Variants in DOC2B observed in about 807,000 individuals in gnomAD.
DOC2B encodes double C2 domain beta, also known as double C2-like domain-containing protein beta.
A neutral mutation model predicts 28.9 loss-of-function variants in DOC2B; 21 were observed. The observed-to-expected ratio is 0.73, with a 90% CI of 0.52 to 1.05. The LOEUF (loss-of-function observed/expected upper bound fraction) is 1.05, where lower values mean the gene tolerates loss of function less well. Ranked by LOEUF, DOC2B falls within the 50% of genes least tolerant of loss-of-function variation. The pLI is 0.00. For missense variants in DOC2B, 384 were observed against 421.1 expected, an observed-to-expected ratio of 0.91 and a Z score of 0.77; for synonymous variants, 194 against 178.1, an observed-to-expected ratio of 1.09 and a Z score of -0.71.
Position 181,113 on chromosome 17 carries a change from C to A in DOC2B, c.367G>T (p.Asp123Tyr). The part of the protein sequence containing the change: ...EPDADGYESD[D>Y]CTALGTLDFS... ...CGGCGCGTGGGAAACTTACTGCAGT[C>A]GTCCGACTCGTAGCCGTCGGCGTCC... Residue 123 changes from aspartate to tyrosine, a missense_variant, in exon 1 of 9, where the codon GAC becomes TAC. Physicochemically the swap from Asp to Tyr is radical, Grantham distance 160. Transcript: ENST00000613549. This position sits in a 1 kb window ranked among gnomAD's most constrained non-coding sequence, Gnocchi z 7.0. 1 of 1,249,948 alleles carries A rather than the reference C, an allele frequency of 8.0e-7. No individual in the cohort carries two copies. Among genetic ancestry groups the A allele is most frequent in the South Asian group, 2.9e-5 (1 of 34,004 alleles). The allele number at this position is 1,249,948 out of a possible 1,614,324, so 77.4% of individuals were successfully genotyped here.
intron 3 of DOC2B, among the ~76,000 whole-genome samples, chr17:162,765 C>T (rs897358040): frequency 6.6e-6 from 1 of 152,358 alleles, no homozygotes; most frequent in South Asian, 2.1e-4. Flanking sequence ...CCCGATGCCA[C>T]GGGGTAGGTT....
rs2040000142 is a variant in DOC2B at position 143,825 on chromosome 17, C to T, written c.*3616G>A. 1.3e-5 allele frequency: 2 copies of T among 152,256 alleles called. No individual in the cohort carries two copies. Among genetic ancestry groups the T allele is most frequent in the African/African-American group, 4.8e-5 (2 of 41,462 alleles). The allele number at this position is 152,256 out of a possible 1,614,324, so 9.4% of individuals were successfully genotyped here. A position where few individuals can be genotyped will look rare whatever the true frequency, so the allele number is the denominator to read the frequency against. On this transcript the variant is annotated 3_prime_UTR_variant, in exon 9 of 9. Transcript: ENST00000613549. Reference sequence around the variant, plus strand: ...TGTCTGTGGGACTGCAGTTTGAGGACAGTGTCTGCAGCCGTCACATGGCAG... The same window carrying T: ...TGTCTGTGGGACTGCAGTTTGAGGATAGTGTCTGCAGCCGTCACATGGCAG...
chr17:147,699 G>A (rs1157919299), intron 8 of DOC2B, 122 bp from the exon 9 acceptor site: 13 of 398,128 alleles, frequency 3.3e-5, no homozygotes, highest in Admixed American at 8.8e-5. Flanking sequence ...GCTGGGTTCT[G>A]AGCATGAACA....
At chr17:163,143 G>A (rs113766680) in intron 3 of DOC2B, among the ~76,000 whole-genome samples, 25 of 152,242 alleles carry the variant, frequency 1.6e-4, no homozygotes, top group African/African-American at 5.5e-4. Flanking sequence ...AAGTCCTGGG[G>A]ACTTCCTACA....
At chr17:160,033 G>A (rs1555523035) in intron 5 of DOC2B, among the ~76,000 whole-genome samples, 2 of 147,684 alleles carry the variant, frequency 1.4e-5, no homozygotes, top group Non-Finnish European at 3.0e-5. Flanking sequence ...CACCCAGGCT[G>A]GAGTGCAACG....
chr17:171,891 G>C (rs190389639), intron 2 of DOC2B, among the ~76,000 whole-genome samples: 12 of 55,762 alleles, frequency 2.2e-4, no homozygotes, highest in East Asian at 1.7e-3. Flanking sequence ...CTGCAGAGGG[G>C]AGCACCAGGG....
At chr17:150,154 G>C (rs1377544419) in intron 6 of DOC2B, among the ~76,000 whole-genome samples, 2 of 152,240 alleles carry the variant, frequency 1.3e-5, no homozygotes, top group Admixed American at 6.5e-5. Context: ...CTCTATGACA[G>C]GGAGGTCATG....
intron 5 of DOC2B, among the ~76,000 whole-genome samples, chr17:157,066 G>A (rs560174445): frequency 6.6e-6 from 1 of 152,352 alleles, no homozygotes; most frequent in South Asian, 2.1e-4. Context: ...GGTGGCCACA[G>A]ATTGCGAGGC....
At chr17:177,319 A>C (rs1240312670) in intron 1 of DOC2B, among the ~76,000 whole-genome samples, 2 of 152,050 alleles carry the variant, frequency 1.3e-5, no homozygotes, top group African/African-American at 4.8e-5. Context: ...ACTCAGTTCA[A>C]CCTCCTTGGT....
At chr17:179,401 A>AAAAAAAAAAG (rs1375699968) in intron 1 of DOC2B, among the ~76,000 whole-genome samples, 21 of 152,004 alleles carry the variant, frequency 1.4e-4, no homozygotes, top group Middle Eastern at 3.4e-3. Flanking sequence ...GAGACAGCAA[A>AAAAAAAAAAG]AAAAAGAAAA....
intron 2 of DOC2B, among the ~76,000 whole-genome samples, chr17:165,017 T>G (rs2040246025): frequency 6.6e-6 from 1 of 152,014 alleles, no homozygotes. Context: ...AGGCTGGGGC[T>G]CCCTCCCAGG....
Position 172,530 on chromosome 17 carries a change from G to T in DOC2B, c.453+7C>A. ...AGGGAATTTGGGGGCAGGCTGGCGG[G>T]GCCTACCTTGGCCTTGGTGATGGTG... is the stretch of plus-strand genomic sequence containing the variant. On this transcript the variant is annotated splice_region_variant and intron_variant, in intron 2 of 8. Coordinates refer to ENST00000613549, the MANE Select transcript of DOC2B (RefSeq NM_003585.5). 1 of 1,550,222 alleles carries T rather than the reference G, an allele frequency of 6.5e-7. No individual in the cohort carries two copies. Among genetic ancestry groups the T allele is most frequent in the East Asian group, 2.4e-5 (1 of 40,896 alleles).
intron 2 of DOC2B, among the ~76,000 whole-genome samples, chr17:169,748 G>T (rs949105061): frequency 1.3e-5 from 2 of 151,934 alleles, no homozygotes; most frequent in Admixed American, 6.6e-5. Flanking sequence ...GCCCTCCAGA[G>T]GCCAGCCCTC....
rs5818738 is a variant in DOC2B at position 177,028 on chromosome 17, A to ATT, written c.373+4077_373+4078dup. Among the ~76,000 whole-genome samples the ATT allele has an allele frequency of 9.9e-3, 1,303 of 131,100 alleles. 8 individuals carry two copies. Among genetic ancestry groups the ATT allele is most frequent in the African/African-American group, 0.014 (498 of 34,506 alleles). 86.0% of individuals were successfully genotyped at this position (131,100 alleles called of 152,430 possible). On this transcript the variant is annotated intron_variant, in intron 1 of 8. Coordinates refer to ENST00000613549, the MANE Select transcript of DOC2B (RefSeq NM_003585.5). ...CCTTGGGAATAGGAAATCTGCCCTG[A>ATT]TTTTTTTTTTTTTTTTTTTTAAGAA...
intron 2 of DOC2B, among the ~76,000 whole-genome samples, chr17:169,580 C>A (rs988831935): frequency 4.6e-5 from 7 of 152,220 alleles, no homozygotes; most frequent in African/African-American, 1.7e-4. Context: ...TCTCCCAGAA[C>A]TGGTAGTGCC....
At chr17:166,150 T>G (rs1555523876) in intron 2 of DOC2B, among the ~76,000 whole-genome samples, 1 of 152,192 alleles carries the variant, frequency 6.6e-6, no homozygotes, top group African/African-American at 2.4e-5. Flanking sequence ...CACCCGGCAG[T>G]TCCCTGAGCA....
chr17:152,155 G>C (rs189896460), intron 6 of DOC2B, among the ~76,000 whole-genome samples: 26 of 152,238 alleles, frequency 1.7e-4, no homozygotes, highest in Admixed American at 1.7e-3. Flanking sequence ...GTGGCTTTGA[G>C]AAGAAACCCC....
intron 3 of DOC2B, among the ~76,000 whole-genome samples, chr17:162,939 C>CT (rs1218758006): frequency 1.3e-5 from 2 of 152,200 alleles, no homozygotes; most frequent in Non-Finnish European, 2.9e-5. Context: ...GCCAGCGGCT[C>CT]TGAGCTCCTT....
At chr17:159,975 T>C (rs1299062003) in intron 5 of DOC2B, among the ~76,000 whole-genome samples, 1 of 149,792 alleles carries the variant, frequency 6.7e-6, no homozygotes, top group Non-Finnish European at 1.5e-5. Context: ...AGGGCTGGTG[T>C]TGCTTTTTTT....
Sources: allele counts gnomAD v4.1 joint callset (sites outside exome capture counted in the v4.1 genomes callset), GRCh38; gene constraint gnomAD v4.1.1; non-coding constraint Gnocchi (gnomAD v3.1); transcripts MANE v1.5; gene names NCBI Gene and HGNC (gene_info 2026-07-23, HGNC 2026-07-21).